The following WIPF1 variants were observed in gnomAD, a reference collection of about 807,000 sequenced individuals.
The protein encoded by WIPF1 is WAS/WASL interacting protein family member 1, also known as WAS/WASL-interacting protein family member 1.
A neutral mutation model predicts 35.4 loss-of-function variants in WIPF1; 13 were observed. The observed-to-expected ratio is 0.37, with a 90% confidence interval of 0.24 to 0.58. The LOEUF (loss-of-function observed/expected upper bound fraction) is 0.58, where lower values mean the gene tolerates loss of function less well. Among genes scored for constraint, WIPF1 ranks in the 20% least tolerant of loss-of-function variants. The pLI is 0.74. For synonymous variants in WIPF1, 267 were observed against 266.3 expected (o/e 1.00, Z -0.02); for missense variants, 591 against 667.0 (o/e 0.89, Z 1.25).
intron 5 of WIPF1, chr2:174,568,621 G>T (rs996410949): frequency 1.3e-5 from 2 of 152,582 alleles, no homozygotes; most frequent in African/African-American, 2.4e-5. Context: ...CATCCTGAGA[G>T]CAGTAAGAGT....
chr2:174,653,741 CAAAAA>C (rs1175251483), intron 1 of WIPF1, among the ~76,000 whole-genome samples: 1 of 57,838 alleles, frequency 1.7e-5, no homozygotes. Flanking sequence ...GCCTCTGTCT[CAAAAA>C]AAAAAAAAAA....
rs931400710 is a variant in WIPF1, at chr2:174,590,724, C to T, written c.-38-5113G>A. Among the ~76,000 whole-genome samples the T allele has an allele frequency of 1.3e-5, 2 of 152,204 alleles. No individual in the cohort carries two copies. The highest frequency in any genetic ancestry group is 6.5e-5 in the Admixed American group (1 of 15,278). The stretch of plus-strand genomic sequence containing the variant: ...GCCTACCCACTTGCTGGGCCTTGCC[C>T]TCCTACCCCACCCCAACCCAAGCAA... On this transcript the variant is annotated intron_variant, in intron 1 of 7. Transcript: ENST00000679041. This position sits in a 1 kb window ranked among gnomAD's most constrained non-coding sequence, Gnocchi z 4.6.
At chr2:174,573,948 G>A (rs948781658) in intron 4 of WIPF1, among the ~76,000 whole-genome samples, 33 of 149,542 alleles carry the variant, frequency 2.2e-4, no homozygotes, top group Non-Finnish European at 1.6e-4. Context: ...GGAGTGCAGT[G>A]GTGCAATCAC....
At position 174,617,864 on chromosome 2, in the gene WIPF1, T is replaced by C. The variant is rs545946391; in HGVS notation, c.-38-32253A>G. Among the ~76,000 whole-genome samples the C allele has an allele frequency of 3.3e-5, 5 of 152,358 alleles. No individual in the cohort carries two copies. The East Asian group carries it at 9.6e-4, about 29-fold the overall frequency. ...TAAAGATATCAGAAAGTAGACAAAC[T>C]GCAATGTGACCTGATGCAGAGGTGG... On this transcript the variant is annotated intron_variant, in intron 1 of 8. Coordinates refer to the WIPF1 transcript ENST00000272746.
intron 1 of WIPF1, among the ~76,000 whole-genome samples, chr2:174,608,198 G>T (rs1686233432): frequency 6.6e-6 from 1 of 152,092 alleles, no homozygotes; most frequent in South Asian, 2.1e-4. Context: ...AGAGGCAGGG[G>T]AACCAAACTA....
At chr2:174,629,126 T>C (rs551131078) in intron 1 of WIPF1, among the ~76,000 whole-genome samples, 6 of 152,246 alleles carry the variant, frequency 3.9e-5, no homozygotes, top group African/African-American at 9.6e-5. Context: ...GGCAGGAGAA[T>C]TGCTTGAGCC....
chr2:174,631,322 C>T (rs946296424), intron 1 of WIPF1, among the ~76,000 whole-genome samples: 7 of 152,106 alleles, frequency 4.6e-5, no homozygotes, highest in Non-Finnish European at 8.8e-5. Flanking sequence ...ACAACATGGA[C>T]GGACCTTAAG....
At chr2:174,674,903 TACAC>T (rs35062209) in intron 1 of WIPF1, among the ~76,000 whole-genome samples, 10,194 of 133,754 alleles carry the variant, frequency 0.076, 390 homozygotes, top group African/African-American at 0.11. Flanking sequence ...CAGGTTCAAA[TACAC>T]ACACACACAC....
chr2:174,617,022 A>G (rs1190802591), intron 1 of WIPF1, among the ~76,000 whole-genome samples: 25 of 152,108 alleles, frequency 1.6e-4, no homozygotes, highest in Admixed American at 1.6e-3. Context: ...TAAACCTTTA[A>G]TATCTGAAAC....
At chr2:174,608,279 A>G (rs1281183857) in intron 1 of WIPF1, among the ~76,000 whole-genome samples, 1 of 152,158 alleles carries the variant, frequency 6.6e-6, no homozygotes, top group African/African-American at 2.4e-5. Flanking sequence ...ACTCATATCC[A>G]ACAAATCTGC....
rs1340437436 is a variant in WIPF1 at position 174,678,949 on chromosome 2, TCCTGCG to T, written c.-39+3819_-39+3824del. Among the ~76,000 whole-genome samples, 5 of 152,252 alleles carry T rather than the reference TCCTGCG, an allele frequency of 3.3e-5. No individual in the cohort carries two copies. The East Asian group carries it at 9.6e-4, about 29-fold the overall frequency. On this transcript the variant is annotated intron_variant, in intron 1 of 8. Coordinates refer to the WIPF1 transcript ENST00000272746. ...TATGTTAATTTACATCGAAAGCAGT[TCCTGCG>T]TTTAGGCTTTTTTGGTATTTACCTA...
chr2:174,577,158 T>C (rs923699844), intron 3 of WIPF1, among the ~76,000 whole-genome samples: 2 of 152,218 alleles, frequency 1.3e-5, no homozygotes, highest in African/African-American at 4.8e-5. Flanking sequence ...TATTTTGTAA[T>C]TGGTTATTTT....
At chr2:174,673,259 C>T (rs1269769130) in intron 1 of WIPF1, 4 of 152,178 alleles carry the variant, frequency 2.6e-5, no homozygotes, top group African/African-American at 9.7e-5. Context: ...AGATTTCTGG[C>T]CTTGAAAGTA....
chr2:174,581,566 T>C, intron 2 of WIPF1, 127 bp from the exon 3 acceptor site: 1 of 1,266,196 alleles, frequency 7.9e-7, no homozygotes, highest in South Asian at 1.6e-5. Flanking sequence ...TTGTAAATTC[T>C]CGACAAGTTT....
intron 1 of WIPF1, chr2:174,630,509 T>C (rs1352063251): frequency 6.6e-6 from 1 of 152,248 alleles, no homozygotes; most frequent in Non-Finnish European, 1.5e-5. Context: ...CAGGAAAAGC[T>C]TTCTATGCAC....
intron 1 of WIPF1, among the ~76,000 whole-genome samples, chr2:174,605,464 G>A (rs575706595): frequency 2.0e-4 from 31 of 152,172 alleles, no homozygotes; most frequent in Admixed American, 1.8e-3. Context: ...AAAAGGCAAC[G>A]TGTAGATGTT....
Position 174,582,617 on chromosome 2 carries a change from G to T in WIPF1, c.52-1178C>A, listed in dbSNP as rs537446204. On this transcript the variant is annotated intron_variant, in intron 2 of 7. Coordinates refer to ENST00000679041, the MANE Select transcript of WIPF1 (RefSeq NM_001375834.1). ...GCTGGAGTGCTGTGGCTATTCACAG[G>T]TGTGATCATCATGCAATACAGCCTC... Among the ~76,000 whole-genome samples the T allele has an allele frequency of 4.6e-5, 7 of 152,314 alleles. No homozygotes were observed. In the East Asian group the frequency reaches 1.4e-3, roughly 29 times the overall value.
At chr2:174,662,603 A>G (rs757298742) in intron 1 of WIPF1, among the ~76,000 whole-genome samples, 7 of 152,160 alleles carry the variant, frequency 4.6e-5, no homozygotes, top group Non-Finnish European at 8.8e-5. Flanking sequence ...GTGAGTTTCT[A>G]GTAAGTGTTT....
chr2:174,565,121 C>T (rs1574782144), intron 7 of WIPF1, among the ~76,000 whole-genome samples: 1 of 152,094 alleles, frequency 6.6e-6, no homozygotes, highest in East Asian at 1.9e-4. Context: ...TCTCGAACTC[C>T]TGACCTCAGG....
Sources: gnomAD v4.1 joint callset for allele counts (sites outside exome capture counted in the v4.1 genomes callset) on GRCh38, gnomAD v4.1.1 for gene constraint, Gnocchi (gnomAD v3.1) non-coding constraint, MANE v1.5 for transcripts, NCBI Gene and HGNC (gene_info 2026-07-23, HGNC 2026-07-21) for gene names.